The following YTHDC2 variants were observed in gnomAD, a reference collection of about 807,000 sequenced individuals.
The protein encoded by YTHDC2 is 3'-5' RNA helicase YTHDC2.
Under a neutral mutation model 174.9 loss-of-function variants are expected in YTHDC2, and 45 were observed. The ratio of observed to expected loss-of-function variants is 0.26; its 90% CI spans 0.20 to 0.33. The LOEUF (loss-of-function observed/expected upper bound fraction) is 0.33, where lower values mean the gene tolerates loss of function less well. Ranked by LOEUF, YTHDC2 falls within the 10% of genes least tolerant of loss-of-function variation. The probability of loss-of-function intolerance (pLI) is 1.00; values close to 1 mark genes in which losing one functional copy is unlikely to be tolerated. For missense variants in YTHDC2, 1,650 were observed against 1,723.7 expected (o/e 0.96, Z 0.76); for synonymous variants, 657 against 574.5 (o/e 1.14, Z -2.05).
intron 4 of YTHDC2, among the ~76,000 whole-genome samples, chr5:113,527,767 C>T (rs1774363012): frequency 6.6e-6 from 1 of 152,012 alleles, no homozygotes; most frequent in African/African-American, 2.4e-5. Flanking sequence ...GAAGACTATA[C>T]AAGATCTTTC....
Position 113,522,010 on chromosome 5 carries a change from T to G in YTHDC2, c.279-2971T>G, listed in dbSNP as rs149356648. On this transcript the variant is annotated intron_variant, in intron 2 of 29. Transcript: ENST00000161863. The stretch of plus-strand genomic sequence containing the variant: ...CTTTACTACATTTCCAATTCTGTAT[T>G]ACAGTATTGGGGAGAAAGTGGTTTG... Among the ~76,000 whole-genome samples the G allele has an allele frequency of 6.8e-3, 1,034 of 152,102 alleles. 5 individuals are homozygous for G. The highest frequency in any genetic ancestry group is 0.058 in the Middle Eastern group (17 of 294).
In YTHDC2 at chr5:113,594,434, T is replaced by G. The variant is rs1779158890; in HGVS notation, c.*960T>G. On this transcript the variant is annotated 3_prime_UTR_variant, in exon 30 of 30. Transcript: ENST00000161863. Reference sequence around the variant, plus strand: ...CTAAAGCCTGCAAGCGCCACAATTCTAAGTGCCGCCTTCCATTTTTTTTCA... The same window carrying G: ...CTAAAGCCTGCAAGCGCCACAATTCGAAGTGCCGCCTTCCATTTTTTTTCA... 6.6e-6 allele frequency: 1 copy of G among 152,242 alleles called. No individual in the cohort carries two copies. The highest frequency in any genetic ancestry group is 1.5e-5 in the Non-Finnish European group (1 of 68,040). The allele number at this position is 152,242 out of a possible 1,614,324, so 9.4% of individuals were successfully genotyped here.
chr5:113,569,114 T>G (rs1323158114), intron 23 of YTHDC2, among the ~76,000 whole-genome samples: 1 of 152,232 alleles, frequency 6.6e-6, no homozygotes, highest in South Asian at 2.1e-4. Context: ...ACGTTGAGCT[T>G]TTTTTCATAT....
chr5:113,546,624 A>G (rs533763028), intron 10 of YTHDC2, among the ~76,000 whole-genome samples: 3 of 152,332 alleles, frequency 2.0e-5, no homozygotes, highest in Middle Eastern at 3.4e-3. Flanking sequence ...TACTGTATCT[A>G]TTGCTGCATT....
At chr5:113,543,971 T>C (rs748773696) in intron 10 of YTHDC2, among the ~76,000 whole-genome samples, 2 of 152,212 alleles carry the variant, frequency 1.3e-5, no homozygotes, top group Non-Finnish European at 2.9e-5. Flanking sequence ...TACTCTCCTT[T>C]ATTATTCTTT....
chr5:113,564,262 T>A (rs1326473680), intron 20 of YTHDC2, 131 bp downstream of exon 20: 20 of 1,032,910 alleles, frequency 1.9e-5, no homozygotes, highest in Non-Finnish European at 2.4e-5. Context: ...GAAGTCACAT[T>A]AATAGTCCTG....
intron 16 of YTHDC2, 71 bp from the exon 17 acceptor site, chr5:113,555,981 T>G (rs1261509516): frequency 9.0e-6 from 8 of 890,838 alleles, no homozygotes; most frequent in Non-Finnish European, 1.4e-5. Context: ...TAAAATATGT[T>G]GATAACATTC....
chr5:113,548,888 C>A, intron 11 of YTHDC2, 67 bp from the exon 12 acceptor site: 1 of 1,475,598 alleles, frequency 6.8e-7, no homozygotes, highest in South Asian at 1.3e-5. Flanking sequence ...CTTGATGTTG[C>A]CCAGGCTCAT....
In YTHDC2 at chr5:113,547,937, A is replaced by T. The variant is rs549967911; in HGVS notation, c.1496-604A>T. On this transcript the variant is annotated intron_variant, in intron 10 of 29. Transcript: ENST00000161863. ...AGCAATTATATTGAATTGCTTGAGA[A>T]ATATATTCTAGGAAGAAACTTCAAT... Among the ~76,000 whole-genome samples, 4 of 152,292 alleles carry T rather than the reference A, an allele frequency of 2.6e-5. No homozygotes were observed. The East Asian group carries it at 7.7e-4, about 29-fold the overall frequency.
At chr5:113,564,157 G>A in intron 20 of YTHDC2, 26 bp downstream of exon 20, 2 of 1,569,898 alleles carry the variant, frequency 1.3e-6, no homozygotes, top group Non-Finnish European at 1.7e-6. Flanking sequence ...TTTTATTTCT[G>A]AAGACGTTGC....
rs769708318 is a variant in YTHDC2, at chr5:113,532,989, A to T, written c.786A>T (p.Ala262=). ...AAIAVAERVA[A]ERRERIGQTI... is the part of the protein sequence containing the mutation. Reference sequence around the variant, plus strand: ...TCGCTGTGGCTGAAAGAGTTGCCGCAGAGAGACGGGAAAGGATTGGTCAAA... The same window carrying T: ...TCGCTGTGGCTGAAAGAGTTGCCGCTGAGAGACGGGAAAGGATTGGTCAAA... Residue 262 remains alanine, a synonymous_variant, in exon 5 of 30, where the codon GCA becomes GCT. Coordinates refer to ENST00000161863, the MANE Select transcript of YTHDC2 (RefSeq NM_022828.5). 15 of 1,614,200 alleles carry T rather than the reference A, an allele frequency of 9.3e-6. No individual in the cohort carries two copies. The South Asian group carries it at 1.5e-4, about 17-fold the overall frequency.
chr5:113,526,669 G>T lies in YTHDC2; in HGVS notation c.559G>T (p.Asp187Tyr), dbSNP rs763211354. ...AGTGAAAAGAGGAGAATCCGAATTTGATTCTTTTAGGCAGTCTTTACCAGT... is the reference window on the plus strand; with the variant it reads ...AGTGAAAAGAGGAGAATCCGAATTTTATTCTTTTAGGCAGTCTTTACCAGT... ...IPVKRGESEF[D>Y]SFRQSLPVFE... is the part of the protein sequence containing the mutation. The change falls in exon 4 of 30, where the codon GAT (aspartate) becomes TAT (tyrosine). Residue 187 changes from aspartate to tyrosine, a missense_variant. Coordinates refer to ENST00000161863, the MANE Select transcript of YTHDC2 (RefSeq NM_022828.5). The T allele has an allele frequency of 6.2e-7, 1 of 1,606,940 alleles. No homozygotes were observed. The highest frequency in any genetic ancestry group is 1.1e-5 in the South Asian group (1 of 90,288).
intron 17 of YTHDC2, among the ~76,000 whole-genome samples, chr5:113,560,152 C>T (rs1047557766): frequency 7.9e-5 from 12 of 152,146 alleles, no homozygotes; most frequent in South Asian, 2.1e-4. Context: ...TAGGCATCCA[C>T]CTTATAGTCC....
rs1224800975 is a variant in YTHDC2 at position 113,526,739 on chromosome 5, A to G, written c.629A>G (p.Lys210Arg). ...EEIVKIIKEN[K>R]VVLIVGETGS... ...ATTGTTAAAATAATTAAGGAAAATA[A>G]AGTAGTTTTGATTGTAGGAGAAACT... Residue 210 changes from lysine to arginine, a missense_variant, in exon 4 of 30, where the codon AAA (lysine) becomes AGA (arginine). By Grantham distance (26) the Lys-to-Arg change is conservative. Coordinates refer to ENST00000161863, the MANE Select transcript of YTHDC2 (RefSeq NM_022828.5). The G allele has an allele frequency of 1.9e-6, 3 of 1,567,058 alleles. No homozygotes were observed. The highest frequency in any genetic ancestry group is 2.6e-6 in the Non-Finnish European group (3 of 1,155,038).
At chr5:113,531,812 A>G (rs1774691028) in intron 4 of YTHDC2, among the ~76,000 whole-genome samples, 1 of 152,222 alleles carries the variant, frequency 6.6e-6, no homozygotes, top group Admixed American at 6.5e-5. Flanking sequence ...GATTGGCAGA[A>G]ATTAAAAAAT....
intron 10 of YTHDC2, among the ~76,000 whole-genome samples, chr5:113,544,325 A>G (rs1356700630): frequency 1.3e-5 from 2 of 151,732 alleles, no homozygotes; most frequent in Non-Finnish European, 2.9e-5. Context: ...ATTTTTTTGT[A>G]TTTTTAGTAG....
Position 113,553,660 on chromosome 5 carries a change from C to T in YTHDC2, c.1938C>T (p.Asp646=). 6.2e-7 allele frequency: 1 copy of T among 1,613,552 alleles called. No individual in the cohort carries two copies. Among genetic ancestry groups the T allele is most frequent in the Non-Finnish European group, 8.5e-7 (1 of 1,179,594 alleles). The change falls in exon 14 of 30, where the codon GAC becomes GAT. Residue 646 remains aspartate (D), a synonymous_variant. Transcript: ENST00000161863. The stretch of plus-strand genomic sequence containing the variant: ...TGAGAGATCGCATCCTGTTTGATGA[C>T]AAGCGGTTTGCTGACAGTACACATA... ...VGLRDRILFD[D]KRFADSTHRY... is the part of the protein sequence containing the mutation.
At position 113,553,256 on chromosome 5, in the gene YTHDC2, C is replaced by G; in HGVS notation, c.1764C>G (p.Asp588Glu). Residue 588 changes from aspartate to glutamate, a missense_variant, in exon 13 of 30, where the codon GAC becomes GAG. Transcript: ENST00000161863. ...ATGGAAGTGACCTCAGTGCTGAAGA[C>G]AGAGAGCTCCTGAAAGCTTATCATC... Reference protein sequence around the residue: ...QTNGSDLSAEDRELLKAYHHS... With the variant: ...QTNGSDLSAEERELLKAYHHS... 1 of 1,600,622 alleles carries G rather than the reference C, an allele frequency of 6.2e-7. No homozygotes were observed. Among genetic ancestry groups the G allele is most frequent in the Non-Finnish European group, 8.5e-7 (1 of 1,174,966 alleles).
intron 23 of YTHDC2, 52 bp from the exon 24 acceptor site, chr5:113,579,534 C>T: frequency 2.2e-6 from 3 of 1,374,154 alleles, no homozygotes; most frequent in South Asian, 3.0e-5. Flanking sequence ...TAGTTTTTTG[C>T]CATAACGTAA....
Sources: allele counts gnomAD v4.1 joint callset (sites outside exome capture counted in the v4.1 genomes callset), GRCh38; gene constraint gnomAD v4.1.1; transcripts MANE v1.5; gene names NCBI Gene and HGNC (gene_info 2026-07-23, HGNC 2026-07-21).